SELENOF: variants seen among roughly 807,000 people sequenced by gnomAD.
The protein encoded by SELENOF is selenoprotein F, also known as 15 kDa selenoprotein.
Under a neutral mutation model 20.5 loss-of-function variants are expected in SELENOF, and 16 were observed. The ratio of observed to expected loss-of-function variants is 0.78; its 90% confidence interval spans 0.53 to 1.19. SELENOF has a LOEUF of 1.19. Ranked by LOEUF, SELENOF falls within the 50% of genes most tolerant of loss-of-function variation. The pLI is 0.00. For synonymous variants in SELENOF, 78 were observed against 74.5 expected (o/e 1.05, Z -0.24); for missense variants, 215 against 194.2 (o/e 1.11, Z -0.64).
chr1:86,903,743 T>C (rs982418816), intron 1 of SELENOF, among the ~76,000 whole-genome samples: 1 of 152,124 alleles, frequency 6.6e-6, no homozygotes, highest in African/African-American at 2.4e-5. Flanking sequence ...TACAGGCGCA[T>C]GCCACCACGC....
chr1:86,869,727 CT>C (rs1199031699), intron 3 of SELENOF, among the ~76,000 whole-genome samples: 6 of 151,516 alleles, frequency 4.0e-5, no homozygotes, highest in Non-Finnish European at 5.9e-5. Context: ...TTCCTTCCTT[CT>C]TTCTTTCTTT....
chr1:86,890,876 T>A lies in SELENOF; in HGVS notation c.253-10151A>T, dbSNP rs192913711. On this transcript the variant is annotated intron_variant, in intron 2 of 4. Transcript: ENST00000331835. ...TTCCATAAAGATTAATATGGTTGTA[T>A]CTATAGCTCATGAGATACCAGCTTT... is the stretch of plus-strand genomic sequence containing the variant. 1.4e-3 allele frequency among the ~76,000 whole-genome samples: 219 copies of A among 152,246 alleles called. 1 individual carries two copies. The highest frequency in any genetic ancestry group is 2.2e-3 in the Non-Finnish European group (148 of 68,010).
upstream of SELENOF, chr1:86,914,203 C>G (rs1660076165): frequency 9.1e-7 from 1 of 1,093,716 alleles, no homozygotes; most frequent in Admixed American, 1.8e-5. Flanking sequence ...ACGGCCGTTG[C>G]CCTTACATCT....
At chr1:86,888,143 C>A (rs1330088936) in intron 2 of SELENOF, among the ~76,000 whole-genome samples, 1 of 151,888 alleles carries the variant, frequency 6.6e-6, no homozygotes, top group African/African-American at 2.4e-5. Context: ...GCCTGTAATC[C>A]CAGCTACTGG....
At chr1:86,913,419 A>C (rs1345451174) in intron 1 of SELENOF, among the ~76,000 whole-genome samples, 1 of 152,248 alleles carries the variant, frequency 6.6e-6, no homozygotes, top group African/African-American at 2.4e-5. Context: ...AAGACAACGA[A>C]CATCATTTAA....
At position 86,903,336 on chromosome 1, in the gene SELENOF, A is replaced by G; in HGVS notation, c.197T>C (p.Leu66Pro). The change falls in exon 2 of 5, where the codon CTG becomes CCG. Residue 66 changes from leucine (L) to proline (P), a missense_variant. By Grantham distance (98) the Leu-to-Pro change is moderately conservative. Transcript: ENST00000331835. Reference protein sequence around the residue: ...DLLGQFNLLQLDPDCRGCCQE... With the variant: ...DLLGQFNLLQPDPDCRGCCQE... ...ACAGCATCCTCTGCAATCAGGATCC[A>G]GCTGAAGCAGGTTGAACTGTCCGAG... is the stretch of plus-strand genomic sequence containing the variant. The G allele has an allele frequency of 1.2e-6, 2 of 1,612,332 alleles. No homozygotes were observed. The highest frequency in any genetic ancestry group is 8.5e-7 in the Non-Finnish European group (1 of 1,179,204).
At chr1:86,871,501 C>T (rs1002349227) in intron 3 of SELENOF, among the ~76,000 whole-genome samples, 4 of 151,968 alleles carry the variant, frequency 2.6e-5, no homozygotes, top group African/African-American at 9.7e-5. Context: ...TCAAAATAGC[C>T]CCAAAGTCAA....
chr1:86,887,674 T>C (rs963762219), intron 2 of SELENOF, among the ~76,000 whole-genome samples: 8 of 152,134 alleles, frequency 5.3e-5, no homozygotes, highest in Non-Finnish European at 1.0e-4. Flanking sequence ...TTCAATACTG[T>C]GATGACAAAC....
chr1:86,877,207 A>G (rs1323140391), intron 3 of SELENOF, among the ~76,000 whole-genome samples: 1 of 152,224 alleles, frequency 6.6e-6, no homozygotes, highest in African/African-American at 2.4e-5. Flanking sequence ...ACACATACTA[A>G]GTGACTTACA....
intron 3 of SELENOF, among the ~76,000 whole-genome samples, chr1:86,869,795 C>T (rs1161874479): frequency 6.6e-6 from 1 of 151,324 alleles, no homozygotes; most frequent in East Asian, 1.9e-4. Context: ...CGGCTGAGCG[C>T]GGGGTCAGCC....
chr1:86,907,631 A>T (rs1416146209), intron 1 of SELENOF, among the ~76,000 whole-genome samples: 2 of 152,238 alleles, frequency 1.3e-5, no homozygotes, highest in African/African-American at 4.8e-5. Context: ...GATTCTAAGG[A>T]CAGGGTTCCT....
rs371806124 is a variant in SELENOF, at chr1:86,880,901, T to C, written c.253-176A>G. Among the ~76,000 whole-genome samples, 478 of 152,302 alleles carry C rather than the reference T, an allele frequency of 3.1e-3. 3 individuals carry two copies. Among genetic ancestry groups the C allele is most frequent in the South Asian group, 0.013 (61 of 4,824 alleles). ...AGTTCCAGTCTAATGGAAGAGAAGA[T>C]GGAGGCCCAAGTATAATAAATGGTA... On this transcript the variant is annotated intron_variant, in intron 2 of 4. Coordinates refer to ENST00000331835, the MANE Select transcript of SELENOF (RefSeq NM_004261.5).
chr1:86,898,528 A>T (rs981523199), intron 2 of SELENOF, among the ~76,000 whole-genome samples: 5 of 151,530 alleles, frequency 3.3e-5, no homozygotes, highest in African/African-American at 1.2e-4. Context: ...ACATTTTTTT[A>T]TTATGTACAA....
chr1:86,911,195 G>C (rs530133795), intron 1 of SELENOF, among the ~76,000 whole-genome samples: 12 of 152,330 alleles, frequency 7.9e-5, no homozygotes, highest in Non-Finnish European at 1.0e-4. Flanking sequence ...CCAAACTTGA[G>C]GGATAGCGAA....
At position 86,863,599 on chromosome 1, in the gene SELENOF, G is replaced by A. The variant is rs767801858; in HGVS notation, c.373C>T (p.Arg125Cys). The change falls in exon 5 of 5, where the codon CGT becomes TGT. Residue 125 changes from arginine (R) to cysteine (C), a missense_variant. Arg to Cys is a radical substitution (Grantham distance 180, BLOSUM62 -3). Coordinates refer to ENST00000331835, the MANE Select transcript of SELENOF (RefSeq NM_004261.5). Reference sequence around the variant, plus strand: ...AGCTTTAATACAGGGTCTGAACCACGGACATACTACAAAAAAGAGGGACGT... The same window carrying A: ...AGCTTTAATACAGGGTCTGAACCACAGACATACTACAAAAAAGAGGGACGT... ...LFRGLQIKYV[R>C]GSDPVLKLLD... 7.4e-6 allele frequency: 12 copies of A among 1,612,670 alleles called. No individual in the cohort carries two copies. Among genetic ancestry groups the A allele is most frequent in the South Asian group, 1.1e-5 (1 of 90,858 alleles).
chr1:86,875,243 A>G (rs948396282), intron 3 of SELENOF, among the ~76,000 whole-genome samples: 1 of 77,870 alleles, frequency 1.3e-5, no homozygotes, highest in African/African-American at 1.3e-4. Context: ...TCCGTCTCGA[A>G]AAAAAAAAAA....
At chr1:86,913,980 A>G (rs1163733493) in intron 1 of SELENOF, 48 bp downstream of exon 1, 4 of 1,541,874 alleles carry the variant, frequency 2.6e-6, no homozygotes, top group African/African-American at 1.4e-5. Context: ...CTCAGCTGCA[A>G]TCACTCCTAC....
chr1:86,903,423 G>A lies in SELENOF; in HGVS notation c.110C>T (p.Ser37Leu). 1 of 1,606,214 alleles carries A rather than the reference G, an allele frequency of 6.2e-7. No homozygotes were observed. Among genetic ancestry groups the A allele is most frequent in the Non-Finnish European group, 8.5e-7 (1 of 1,176,768 alleles). The change falls in exon 2 of 5, where the codon TCA becomes TTA. Residue 37 changes from serine to leucine, a missense_variant. Physicochemically the swap from Ser to Leu is moderately radical, Grantham distance 145. Transcript: ENST00000331835. ...QAVSAFGAEF[S>L]SEACRELGFS... ...GCCTAACTCTCTGCATGCCTCCGAT[G>A]AAAACTCTGCCCCAAAAGCAGACAC...
At chr1:86,894,324 G>C (rs1374924343) in intron 2 of SELENOF, among the ~76,000 whole-genome samples, 1 of 151,866 alleles carries the variant, frequency 6.6e-6, no homozygotes. Context: ...TTGTTTGATA[G>C]CTTGCTTTGT....
Sources: gnomAD v4.1 joint callset for allele counts (sites outside exome capture counted in the v4.1 genomes callset) on GRCh38, gnomAD v4.1.1 for gene constraint, MANE v1.5 for transcripts, NCBI Gene and HGNC (gene_info 2026-07-23, HGNC 2026-07-21) for gene names.